COL4A2: variants seen among roughly 807,000 people sequenced by gnomAD.
COL4A2 encodes collagen type IV alpha 2 chain.
Under a neutral mutation model 200.2 loss-of-function variants are expected in COL4A2, and 99 were observed. The ratio of observed to expected loss-of-function variants is 0.49; its 90% confidence interval spans 0.42 to 0.58. The LOEUF (loss-of-function observed/expected upper bound fraction) is 0.58. COL4A2 is among the 20% of genes least tolerant of loss of function. The pLI is 0.00. For synonymous variants in COL4A2, 897 were observed against 900.6 expected, an observed-to-expected ratio of 1.00 and a Z score of 0.07; for missense variants, 1,950 against 2,314.1, an observed-to-expected ratio of 0.84 and a Z score of 3.23.
intron 18 of COL4A2, among the ~76,000 whole-genome samples, chr13:110,449,438 T>G (rs1881446790): frequency 6.6e-6 from 1 of 152,196 alleles, no homozygotes; most frequent in African/African-American, 2.4e-5. Flanking sequence ...TAGTTCCTTC[T>G]TTATTCGAGC....
intron 4 of COL4A2, among the ~76,000 whole-genome samples, chr13:110,365,291 G>A (rs1484270046): frequency 1.3e-5 from 2 of 152,000 alleles, no homozygotes; most frequent in Non-Finnish European, 2.9e-5. Context: ...ACAGGCATGC[G>A]CCACCACACC....
At chr13:110,329,140 G>A (rs1481442638) in intron 3 of COL4A2, among the ~76,000 whole-genome samples, 2 of 152,188 alleles carry the variant, frequency 1.3e-5, no homozygotes, top group African/African-American at 2.4e-5. Context: ...AGAAGTAAAT[G>A]GAGAAGTTTA....
intron 17 of COL4A2, 145 bp downstream of exon 17, chr13:110,446,027 A>G: frequency 1.2e-6 from 1 of 845,838 alleles, no homozygotes; most frequent in East Asian, 2.5e-5. Flanking sequence ...GACACTGGAC[A>G]GACGAGGTGG....
At chr13:110,313,993 T>C (rs1000904988) in intron 3 of COL4A2, among the ~76,000 whole-genome samples, 27 of 152,262 alleles carry the variant, frequency 1.8e-4, no homozygotes, top group Non-Finnish European at 3.7e-4. Context: ...CATGCTTTTT[T>C]GTAAAACCGG....
chr13:110,415,517 C>G (rs1373847460), intron 4 of COL4A2, among the ~76,000 whole-genome samples: 2 of 152,210 alleles, frequency 1.3e-5, no homozygotes, highest in Non-Finnish European at 2.9e-5. Context: ...CCCATGCCCA[C>G]TGCCCCACTT....
intron 45 of COL4A2, among the ~76,000 whole-genome samples, chr13:110,505,437 C>T (rs1462628947): frequency 5.3e-5 from 8 of 152,192 alleles, no homozygotes; most frequent in Admixed American, 1.3e-4. Context: ...GGGACAGATC[C>T]GCAGCCGGCA....
intron 16 of COL4A2, among the ~76,000 whole-genome samples, chr13:110,442,773 C>G (rs1024100065): frequency 9.9e-6 from 1 of 101,262 alleles, no homozygotes; most frequent in East Asian, 2.8e-4. Flanking sequence ...GGAAACATAT[C>G]TTTAGTAACT....
chr13:110,419,429 G>C (rs757214834), intron 4 of COL4A2, among the ~76,000 whole-genome samples: 1 of 152,182 alleles, frequency 6.6e-6, no homozygotes, highest in Admixed American at 6.5e-5. Flanking sequence ...TAAGGTTAAT[G>C]AACAATGAAT....
chr13:110,398,907 T>G (rs116618859), intron 4 of COL4A2, among the ~76,000 whole-genome samples: 1 of 152,172 alleles, frequency 6.6e-6, no homozygotes, highest in Non-Finnish European at 1.5e-5. Context: ...ATTTTTAGCC[T>G]TACTTATATA....
At chr13:110,494,067 CTT>C (rs1491095565) in intron 39 of COL4A2, among the ~76,000 whole-genome samples, 1 of 115,178 alleles carries the variant, frequency 8.7e-6, no homozygotes, top group Non-Finnish European at 2.0e-5. Flanking sequence ...CCAAGGGCTT[CTT>C]ACCACAGGAA....
chr13:110,438,757 G>C, intron 15 of COL4A2, 89 bp downstream of exon 15: 1 of 1,515,992 alleles, frequency 6.6e-7, no homozygotes, highest in South Asian at 1.1e-5. Flanking sequence ...CAGATTCACA[G>C]CAAAATTTAG....
chr13:110,493,071 ACACCCCCATGGGTGAAATAACGATGAGT>A, intron 38 of COL4A2, 112 bp from the exon 39 acceptor site: 75 of 857,044 alleles, frequency 8.8e-5, no homozygotes, highest in South Asian at 2.5e-4. Flanking sequence ...ACGATGAGTG[ACACCCCCATGGGTGAAATAACGATGAGT>A]GACACCCCCA....
Position 110,507,994 on chromosome 13 carries a change from G to A in COL4A2, c.4654G>A (p.Gly1552Ser). 2.5e-6 allele frequency: 4 copies of A among 1,614,208 alleles called. No homozygotes were observed. The highest frequency in any genetic ancestry group is 3.4e-6 in the Non-Finnish European group (4 of 1,180,048). ...CATGCCCTTCCTGTACTGCAACCCT[G>A]GTGATGTCTGCTACTATGCCAGCCG... Reference protein sequence around the residue: ...STMPFLYCNPGDVCYYASRND... With the variant: ...STMPFLYCNPSDVCYYASRND... Residue 1552 changes from glycine to serine, a missense_variant, in exon 47 of 48, where the codon GGT (glycine) becomes AGT (serine). Transcript: ENST00000360467.
intron 16 of COL4A2, among the ~76,000 whole-genome samples, chr13:110,442,009 C>T (rs563792825): frequency 6.5e-5 from 9 of 139,298 alleles, no homozygotes; most frequent in African/African-American, 2.2e-4. Context: ...TTGCTTGAAC[C>T]TGGGAGGCAG....
chr13:110,481,052 A>G (rs4238276), intron 31 of COL4A2, among the ~76,000 whole-genome samples: 5,199 of 39,954 alleles, frequency 0.13, 185 homozygotes, highest in East Asian at 0.29. Context: ...CTGTCCCTCC[A>G]TTGCTGGAGA....
chr13:110,386,363 G>C (rs567331458), intron 4 of COL4A2, among the ~76,000 whole-genome samples: 3 of 152,304 alleles, frequency 2.0e-5, no homozygotes, highest in Non-Finnish European at 4.4e-5. Context: ...TTTGTAAGAA[G>C]AGAGACTCAG....
chr13:110,453,609 C>G (rs1311910508), intron 20 of COL4A2, among the ~76,000 whole-genome samples: 2 of 152,184 alleles, frequency 1.3e-5, no homozygotes, highest in African/African-American at 4.8e-5. Context: ...ACAGCATATG[C>G]CATCTTGCTT....
chr13:110,394,958 TA>T (rs1879133579), intron 4 of COL4A2, among the ~76,000 whole-genome samples: 1 of 152,202 alleles, frequency 6.6e-6, no homozygotes, highest in African/African-American at 2.4e-5. Flanking sequence ...CATGTCAAAT[TA>T]TCCACAGCTT....
chr13:110,506,820 G>A (rs1284684868), intron 46 of COL4A2, among the ~76,000 whole-genome samples: 1 of 152,176 alleles, frequency 6.6e-6, no homozygotes, highest in Non-Finnish European at 1.5e-5. Flanking sequence ...TTAACACAGG[G>A]ACCTGCCTTT....
Sources: allele counts gnomAD v4.1 joint callset (sites outside exome capture counted in the v4.1 genomes callset), GRCh38; gene constraint gnomAD v4.1.1; transcripts MANE v1.5; gene names NCBI Gene and HGNC (gene_info 2026-07-23, HGNC 2026-07-21).